SUPT3H: variants seen among roughly 807,000 people sequenced by gnomAD.
SUPT3H encodes the protein transcription initiation protein SPT3 homolog.
Under a neutral mutation model 44.3 loss-of-function variants are expected in SUPT3H, and 44 were observed. The observed-to-expected ratio is 0.99, with a 90% CI of 0.78 to 1.28. SUPT3H has a LOEUF of 1.28. Among genes scored for constraint, SUPT3H ranks in the 50% most tolerant of loss-of-function variants. The probability of loss-of-function intolerance (pLI) is 0.00; values close to 1 mark genes in which losing one functional copy is unlikely to be tolerated. For missense variants in SUPT3H, 380 were observed against 387.1 expected (o/e 0.98, Z 0.15); for synonymous variants, 124 against 125.6 (o/e 0.99, Z 0.09).
intron 6 of SUPT3H, among the ~76,000 whole-genome samples, chr6:44,966,324 T>C (rs994300023): frequency 1.3e-5 from 2 of 151,914 alleles, no homozygotes; most frequent in African/African-American, 4.8e-5. Flanking sequence ...GTTTTATTTT[T>C]AAAATGAACA....
chr6:45,128,365 C>A (rs1446794904), intron 2 of SUPT3H, among the ~76,000 whole-genome samples: 1 of 150,680 alleles, frequency 6.6e-6, no homozygotes, highest in African/African-American at 2.4e-5. Context: ...ACTAGCCAGG[C>A]ATGGTGGCAT....
intron 2 of SUPT3H, among the ~76,000 whole-genome samples, chr6:45,312,167 T>C (rs1464565802): frequency 7.3e-5 from 11 of 151,344 alleles, no homozygotes. Flanking sequence ...CAAGCAGGAG[T>C]AGCAATTCTT....
rs185357754 is a variant in SUPT3H, at chr6:45,050,922, T to C, written c.187-30290A>G. ...TTTTTTGAGATGGAGTCTCGCTCTG[T>C]AGCCCAGGCTGGAGTGCAGTGGCAT... is the stretch of plus-strand genomic sequence containing the variant. On this transcript the variant is annotated intron_variant, in intron 3 of 10. Coordinates refer to ENST00000371459, the MANE Select transcript of SUPT3H (RefSeq NM_003599.4). Among the ~76,000 whole-genome samples, 9 of 140,024 alleles carry C rather than the reference T, an allele frequency of 6.4e-5. No individual in the cohort carries two copies. The East Asian group carries it at 1.6e-3, about 25-fold the overall frequency. 91.9% of individuals were successfully genotyped at this position (140,024 alleles called of 152,430 possible).
chr6:45,183,468 A>C (rs1329606463), intron 2 of SUPT3H, among the ~76,000 whole-genome samples: 1 of 152,240 alleles, frequency 6.6e-6, no homozygotes. Context: ...CAGAAGGTAA[A>C]GTGGGAGCAG....
chr6:45,284,657 C>T (rs1166476764), intron 2 of SUPT3H, among the ~76,000 whole-genome samples: 4 of 152,280 alleles, frequency 2.6e-5, no homozygotes, highest in African/African-American at 9.6e-5. Context: ...CCAAATTCTA[C>T]CAGAGTTACA....
intron 2 of SUPT3H, among the ~76,000 whole-genome samples, chr6:45,313,635 G>T (rs569346534): frequency 7.5e-6 from 1 of 133,760 alleles, no homozygotes; most frequent in South Asian, 2.6e-4. Context: ...CAGCGAGATT[G>T]AAATGGTAAT....
intron 2 of SUPT3H, among the ~76,000 whole-genome samples, chr6:45,291,829 G>C (rs28877051): frequency 1.3e-5 from 2 of 152,018 alleles, no homozygotes; most frequent in Non-Finnish European, 1.5e-5. Context: ...GTGTCCCCAA[G>C]GAAGAAGAGA....
intron 2 of SUPT3H, among the ~76,000 whole-genome samples, chr6:45,342,491 C>T (rs1790001285): frequency 6.6e-6 from 1 of 152,110 alleles, no homozygotes; most frequent in African/African-American, 2.4e-5. Context: ...GATCTTCTGA[C>T]CTCGTAATCC....
chr6:45,193,962 T>C (rs1815586042), intron 2 of SUPT3H, among the ~76,000 whole-genome samples: 1 of 152,208 alleles, frequency 6.6e-6, no homozygotes, highest in South Asian at 2.1e-4. Context: ...GAACAGAGTA[T>C]ATATCTGTTC....
At chr6:45,328,451 A>T (rs763586286) in intron 2 of SUPT3H, 12 of 1,468,958 alleles carry the variant, frequency 8.2e-6, no homozygotes, top group Admixed American at 1.8e-5. Flanking sequence ...CACCGAGACC[A>T]ACAGAGTCAG....
At chr6:45,216,078 G>A (rs1325986465) in intron 2 of SUPT3H, among the ~76,000 whole-genome samples, 1 of 152,118 alleles carries the variant, frequency 6.6e-6, no homozygotes, top group Non-Finnish European at 1.5e-5. Context: ...ATCATACACA[G>A]CAAGGCTATC....
intron 6 of SUPT3H, among the ~76,000 whole-genome samples, chr6:44,989,590 G>A (rs538623217): frequency 3.3e-5 from 5 of 152,098 alleles, no homozygotes; most frequent in Admixed American, 1.3e-4. Context: ...GCTGTTTTCC[G>A]TAATGACTGT....
At chr6:44,836,475 T>C (rs1221131289) in intron 10 of SUPT3H, among the ~76,000 whole-genome samples, 1 of 152,138 alleles carries the variant, frequency 6.6e-6, no homozygotes, top group East Asian at 1.9e-4. Context: ...TAGTATTAAC[T>C]CTCATTGTAG....
intron 9 of SUPT3H, among the ~76,000 whole-genome samples, chr6:44,934,376 A>C (rs1433966932): frequency 6.6e-6 from 1 of 152,228 alleles, no homozygotes; most frequent in Non-Finnish European, 1.5e-5. Flanking sequence ...TTGGTTAAAT[A>C]AATTATCCAT....
At chr6:44,944,111 T>C (rs1428947096) in intron 9 of SUPT3H, among the ~76,000 whole-genome samples, 1 of 152,128 alleles carries the variant, frequency 6.6e-6, no homozygotes, top group Non-Finnish European at 1.5e-5. Flanking sequence ...TATATATAGA[T>C]GTAGTATGCA....
intron 3 of SUPT3H, among the ~76,000 whole-genome samples, chr6:45,031,055 CTTT>C (rs1786843794): frequency 2.0e-5 from 3 of 151,494 alleles, no homozygotes; most frequent in Admixed American, 6.6e-5. Context: ...TCTTGACTTT[CTTT>C]GTCTCATAAC....
At chr6:44,897,036 A>G (rs575861384) in intron 10 of SUPT3H, among the ~76,000 whole-genome samples, 6 of 152,360 alleles carry the variant, frequency 3.9e-5, no homozygotes, top group African/African-American at 1.4e-4. Context: ...CAGAATGGCT[A>G]AGCCTGAGGT....
At chr6:45,239,345 C>T (rs1488538308) in intron 2 of SUPT3H, among the ~76,000 whole-genome samples, 1 of 152,176 alleles carries the variant, frequency 6.6e-6, no homozygotes, top group Admixed American at 6.5e-5. Flanking sequence ...TGCCTAGTTG[C>T]TACTGCAGTA....
At chr6:45,028,114 A>G (rs1786315346) in intron 3 of SUPT3H, among the ~76,000 whole-genome samples, 1 of 152,026 alleles carries the variant, frequency 6.6e-6, no homozygotes, top group Non-Finnish European at 1.5e-5. Context: ...GAAAATTTCT[A>G]TTGTCTGTTT....
Sources: gnomAD v4.1 joint callset for allele counts (sites outside exome capture counted in the v4.1 genomes callset) on GRCh38, gnomAD v4.1.1 for gene constraint, MANE v1.5 for transcripts, NCBI Gene and HGNC (gene_info 2026-07-23, HGNC 2026-07-21) for gene names.